The following SPTAN1 variants were observed in gnomAD, a reference collection of about 807,000 sequenced individuals.
SPTAN1 encodes spectrin alpha, non-erythrocytic 1, also known as spectrin alpha chain, non-erythrocytic 1.
In SPTAN1, 61 loss-of-function variants were observed where a neutral mutation model predicts 331.3. That is an observed-to-expected ratio of 0.18 (90% CI 0.15 to 0.23). The LOEUF (loss-of-function observed/expected upper bound fraction) is 0.23. Ranked by LOEUF, SPTAN1 falls within the 10% of genes least tolerant of loss-of-function variation. SPTAN1 has a pLI of 1.00. For synonymous variants in SPTAN1, 1,153 were observed against 1,173.9 expected (o/e 0.98, Z 0.36); for missense variants, 2,043 against 3,147.9 (o/e 0.65, Z 8.40).
chr9:128,560,662 G>A (rs1849213750), intron 1 of SPTAN1, among the ~76,000 whole-genome samples: 1 of 151,952 alleles, frequency 6.6e-6, no homozygotes, highest in Non-Finnish European at 1.5e-5. Context: ...TTACAGGTGT[G>A]AGCCACTGTG....
At chr9:128,574,530 A>G (rs1851084081) in intron 3 of SPTAN1, 145 bp from the exon 4 acceptor site, 6 of 954,460 alleles carry the variant, frequency 6.3e-6, no homozygotes, top group East Asian at 2.7e-5. Flanking sequence ...TAAATTTACT[A>G]TTTCCTCTCA....
chr9:128,571,313 A>G (rs1003068650), intron 3 of SPTAN1, among the ~76,000 whole-genome samples: 12 of 150,798 alleles, frequency 8.0e-5, no homozygotes, highest in Non-Finnish European at 1.6e-4. Context: ...GGCCAGGCAC[A>G]GTGGCTCATG....
intron 51 of SPTAN1, chr9:128,628,144 T>G (rs551595660): frequency 1.3e-6 from 1 of 773,542 alleles, no homozygotes; most frequent in East Asian, 2.6e-5. Context: ...CGATAGAGCC[T>G]TCAAGCCAGG....
chr9:128,574,347 ATATAAT>A (rs1296141157), intron 3 of SPTAN1, among the ~76,000 whole-genome samples: 1 of 148,346 alleles, frequency 6.7e-6, no homozygotes, highest in South Asian at 2.1e-4. Context: ...TATATCATAA[ATATAAT>A]TATAAATGAA....
chr9:128,607,118 T>C (rs6478842), intron 31 of SPTAN1, among the ~76,000 whole-genome samples: 147,945 of 152,252 alleles, frequency 0.97, 72,039 homozygotes, highest in East Asian at 1. Flanking sequence ...GGATCAAATG[T>C]ATGCCCAGGC....
chr9:128,556,503 C>T (rs1032375996), intron 1 of SPTAN1, among the ~76,000 whole-genome samples: 1 of 152,162 alleles, frequency 6.6e-6, no homozygotes, highest in Non-Finnish European at 1.5e-5. Flanking sequence ...TTAAATACCT[C>T]TCATCTGAAT....
At chr9:128,622,403 G>A (rs1414630999) in intron 45 of SPTAN1, among the ~76,000 whole-genome samples, 7 of 147,714 alleles carry the variant, frequency 4.7e-5, no homozygotes, top group African/African-American at 1.7e-4. Context: ...AGGTTGAAAC[G>A]ATGCTTCTGC....
rs117192752 is a variant in SPTAN1 at position 128,587,101 on chromosome 9, G to A, written c.2779-505G>A. Among the ~76,000 whole-genome samples, 328 of 149,332 alleles carry A rather than the reference G, an allele frequency of 2.2e-3. 1 individual carries two copies. Among genetic ancestry groups the A allele is most frequent in the Middle Eastern group, 0.015 (4 of 270 alleles). On this transcript the variant is annotated intron_variant, in intron 19 of 56. Coordinates refer to ENST00000372739, the MANE Select transcript of SPTAN1 (RefSeq NM_001130438.3). The stretch of plus-strand genomic sequence containing the variant: ...CTCGCAAAGTCCTGGGATTACAGGC[G>A]TGAGGCACCGCGCTCGTTCTGTCGC...
In SPTAN1 at chr9:128,621,274, G is replaced by A. The variant is rs1447545553; in HGVS notation, c.5832+18G>A. 6.2e-7 allele frequency: 1 copy of A among 1,607,896 alleles called. No individual in the cohort carries two copies. The highest frequency in any genetic ancestry group is 1.3e-5 in the African/African-American group (1 of 74,782). On this transcript the variant is annotated intron_variant, in intron 45 of 56. Transcript: ENST00000372739. ...TTAAGAAGGTGAGTCCAGCCCATTG[G>A]TAAGACCTCCATCGCCCACTGGGAC...
chr9:128,597,211 A>G (rs557873720), intron 24 of SPTAN1, among the ~76,000 whole-genome samples: 4 of 152,128 alleles, frequency 2.6e-5, no homozygotes, highest in Non-Finnish European at 5.9e-5. Flanking sequence ...GGGTCTGGTT[A>G]TGTTGCCCTA....
intron 34 of SPTAN1, among the ~76,000 whole-genome samples, chr9:128,608,646 A>G (rs560916394): frequency 6.6e-6 from 1 of 152,318 alleles, no homozygotes; most frequent in African/African-American, 2.4e-5. Flanking sequence ...CACCTGCCCC[A>G]CCTGAGTGAC....
At chr9:128,620,653 G>A (rs1857727583) in intron 44 of SPTAN1, among the ~76,000 whole-genome samples, 1 of 152,126 alleles carries the variant, frequency 6.6e-6, no homozygotes, top group African/African-American at 2.4e-5. Flanking sequence ...GGGAGGCAGA[G>A]GTTGCAGTGA....
chr9:128,578,077 G>A (rs750900657), intron 8 of SPTAN1, 33 bp from the exon 9 acceptor site: 1 of 1,613,832 alleles, frequency 6.2e-7, no homozygotes, highest in South Asian at 1.1e-5. Context: ...AACCTCCGCT[G>A]GAAACATAAT....
chr9:128,615,977 G>A, intron 41 of SPTAN1, 137 bp downstream of exon 41: 1 of 904,222 alleles, frequency 1.1e-6, no homozygotes, highest in Non-Finnish European at 1.8e-6. Context: ...GTCGTGGGAT[G>A]CCTCAGTGTC....
Position 128,632,503 on chromosome 9 carries a change from G to C in SPTAN1, c.7013+19G>C. 1 of 1,614,170 alleles carries C rather than the reference G, an allele frequency of 6.2e-7. No homozygotes were observed. The highest frequency in any genetic ancestry group is 8.5e-7 in the Non-Finnish European group (1 of 1,180,032). On this transcript the variant is annotated intron_variant, in intron 54 of 56. Transcript: ENST00000372739. ...TGTTTAAGTGAGTTCAGCCTTACTC[G>C]CCCTGGCTGGGTGGGGGGTGTTCGG...
chr9:128,605,517 C>A, intron 31 of SPTAN1, 40 bp downstream of exon 31: 2 of 1,611,538 alleles, frequency 1.2e-6, no homozygotes, highest in South Asian at 1.1e-5. Context: ...GAACATAGAG[C>A]CTTCTTTGTA....
At chr9:128,589,881 T>C (rs1853245116) in intron 21 of SPTAN1, among the ~76,000 whole-genome samples, 2 of 152,222 alleles carry the variant, frequency 1.3e-5, no homozygotes, top group African/African-American at 4.8e-5. Context: ...GGCCGACCTG[T>C]TGGTTCTTAC....
Position 128,633,588 on chromosome 9 carries a change from C to CCCCTTGTTCTCTCTCCCA in SPTAN1, c.*259_*276dup, listed in dbSNP as rs1314729526. 2 of 1,101,272 alleles carry CCCCTTGTTCTCTCTCCCA rather than the reference C, an allele frequency of 1.8e-6. No individual in the cohort carries two copies. Among genetic ancestry groups the CCCCTTGTTCTCTCTCCCA allele is most frequent in the East Asian group, 4.7e-5 (2 of 42,324 alleles). 68.2% of individuals were successfully genotyped at this position (1,101,272 alleles called of 1,614,324 possible). ...CAGAAAATCGAAGCAGCTGGCTCCTCCCCTTGTTCTCTCTCCCACCCTCCC... is the reference window on the plus strand; with the variant it reads ...CAGAAAATCGAAGCAGCTGGCTCCTCCCCTTGTTCTCTCTCCCACCCTTGTTCTCTCTCCCACCCTCCC... On this transcript the variant is annotated 3_prime_UTR_variant, in exon 57 of 57. Transcript: ENST00000372739.
intron 9 of SPTAN1, 77 bp downstream of exon 9, chr9:128,578,322 C>G: frequency 6.3e-7 from 1 of 1,578,598 alleles, no homozygotes; most frequent in East Asian, 2.2e-5. Flanking sequence ...TTGGGTGAGG[C>G]CTATAGTCGG....
Sources: allele counts gnomAD v4.1 joint callset (sites outside exome capture counted in the v4.1 genomes callset), GRCh38; gene constraint gnomAD v4.1.1; transcripts MANE v1.5; gene names NCBI Gene and HGNC (gene_info 2026-07-23, HGNC 2026-07-21).